Variants in EBF1 observed in about 807,000 individuals in gnomAD.
EBF1 encodes EBF transcription factor 1.
EBF1 carries 10 observed loss-of-function variants against 68.4 expected under a neutral mutation model. The ratio of observed to expected loss-of-function variants is 0.15; its 90% CI spans 0.09 to 0.25. EBF1 has a LOEUF of 0.25. Ranked by LOEUF, EBF1 falls within the 10% of genes least tolerant of loss-of-function variation. EBF1 has a pLI of 1.00. For synonymous variants in EBF1, 298 were observed against 299.8 expected, an observed-to-expected ratio of 0.99 and a Z score of 0.06; for missense variants, 509 against 794.4, an observed-to-expected ratio of 0.64 and a Z score of 4.32.
chr5:158,986,131 G>A (rs1454708719), intron 6 of EBF1, among the ~76,000 whole-genome samples: 1 of 152,224 alleles, frequency 6.6e-6, no homozygotes, highest in Non-Finnish European at 1.5e-5. Context: ...TCCGCTCCCA[G>A]CCCCTGTCTC....
At chr5:159,022,728 A>G (rs979813385) in intron 6 of EBF1, among the ~76,000 whole-genome samples, 21 of 152,178 alleles carry the variant, frequency 1.4e-4, no homozygotes, top group African/African-American at 5.1e-4. Flanking sequence ...TGGGATAAGA[A>G]CACAAGCTAT....
intron 10 of EBF1, among the ~76,000 whole-genome samples, chr5:158,741,593 A>G (rs905466630): frequency 1.3e-4 from 19 of 151,174 alleles, no homozygotes; most frequent in African/African-American, 3.2e-4. Context: ...AAAAAAAAAA[A>G]GCAGTATAAT....
chr5:159,065,450 T>C (rs1228431006), intron 6 of EBF1, among the ~76,000 whole-genome samples: 2 of 152,194 alleles, frequency 1.3e-5, no homozygotes. Context: ...CATTTTACTT[T>C]GATAATTTTC....
intron 10 of EBF1, among the ~76,000 whole-genome samples, chr5:158,767,221 T>C (rs1226744602): frequency 6.6e-6 from 1 of 152,184 alleles, no homozygotes; most frequent in Non-Finnish European, 1.5e-5. Flanking sequence ...TTAACAGTGA[T>C]TATCCCTGAG....
chr5:158,773,801 C>A (rs1039397820), intron 10 of EBF1, among the ~76,000 whole-genome samples: 1 of 151,944 alleles, frequency 6.6e-6, no homozygotes, highest in Non-Finnish European at 1.5e-5. Context: ...GATCACGATT[C>A]GAAAAGATCC....
chr5:158,784,944 G>C (rs1454136556), intron 9 of EBF1, among the ~76,000 whole-genome samples: 1 of 152,108 alleles, frequency 6.6e-6, no homozygotes, highest in Non-Finnish European at 1.5e-5. Flanking sequence ...TGTGCTCTGT[G>C]GAGGTGCTGA....
At chr5:158,781,267 T>G (rs1039706999) in intron 9 of EBF1, among the ~76,000 whole-genome samples, 2 of 152,242 alleles carry the variant, frequency 1.3e-5, no homozygotes, top group Admixed American at 6.5e-5. Context: ...TCCAGATATC[T>G]TCTCTTATTC....
intron 6 of EBF1, among the ~76,000 whole-genome samples, chr5:159,041,152 G>A (rs1771121618): frequency 1.3e-5 from 2 of 152,284 alleles, no homozygotes; most frequent in South Asian, 4.1e-4. Context: ...AACTGAGCTT[G>A]ACCAATCCCC....
intron 6 of EBF1, among the ~76,000 whole-genome samples, chr5:158,856,595 T>C (rs374799973): frequency 9.2e-6 from 1 of 109,242 alleles, no homozygotes; most frequent in Non-Finnish European, 2.2e-5. Context: ...TTTAGAAAAA[T>C]AATAATGAGT....
chr5:158,700,028 AG>A (rs1756385804), intron 15 of EBF1, among the ~76,000 whole-genome samples: 1 of 152,200 alleles, frequency 6.6e-6, no homozygotes, highest in South Asian at 2.1e-4. Context: ...AGCAACACTT[AG>A]GGTTATTGGA....
intron 6 of EBF1, among the ~76,000 whole-genome samples, chr5:158,989,157 C>T (rs556955918): frequency 3.0e-4 from 46 of 152,272 alleles, no homozygotes; most frequent in Non-Finnish European, 5.6e-4. Context: ...CCTAATTGAG[C>T]GACAACCCTC....
intron 11 of EBF1, among the ~76,000 whole-genome samples, chr5:158,718,149 T>G (rs11956745): frequency 4.9e-4 from 75 of 152,228 alleles, no homozygotes; most frequent in African/African-American, 1.7e-3. Context: ...AAATATTGTT[T>G]GAGCTTCTTG....
At chr5:158,830,424 C>T (rs1017114036) in intron 7 of EBF1, among the ~76,000 whole-genome samples, 8 of 152,206 alleles carry the variant, frequency 5.3e-5, no homozygotes, top group African/African-American at 1.9e-4. Context: ...GGGCACACCA[C>T]CACACCCAGC....
intron 6 of EBF1, among the ~76,000 whole-genome samples, chr5:159,046,747 G>A (rs1056286100): frequency 6.8e-4 from 104 of 152,190 alleles, no homozygotes; most frequent in African/African-American, 2.3e-3. Context: ...CCTAAGATTG[G>A]ATAAGATTCA....
chr5:159,080,656 A>G (rs2127970768), intron 5 of EBF1, among the ~76,000 whole-genome samples: 1 of 152,246 alleles, frequency 6.6e-6, no homozygotes, highest in East Asian at 1.9e-4. Context: ...CTTACTATTA[A>G]TAATAACAGT....
chr5:158,878,222 G>T (rs773947009), intron 6 of EBF1, among the ~76,000 whole-genome samples: 2 of 152,090 alleles, frequency 1.3e-5, no homozygotes, highest in Non-Finnish European at 2.9e-5. Context: ...GGACAGATCT[G>T]TATATATAAC....
intron 3 of EBF1, 187 bp downstream of exon 3, chr5:159,096,156 G>T (rs903337583): frequency 1.6e-6 from 1 of 628,858 alleles, no homozygotes. Context: ...GACCGATAAG[G>T]CTCTTGGGCC....
chr5:158,722,518 G>A (rs567812795), intron 11 of EBF1, among the ~76,000 whole-genome samples: 5 of 152,252 alleles, frequency 3.3e-5, no homozygotes, highest in South Asian at 2.1e-4. Flanking sequence ...ACAAATGCAC[G>A]TGCATATTTA....
intron 6 of EBF1, among the ~76,000 whole-genome samples, chr5:158,872,960 C>A (rs1797133709): frequency 6.7e-6 from 1 of 148,410 alleles, no homozygotes; most frequent in African/African-American, 2.5e-5. Context: ...AAAAGCCATA[C>A]CTTTGTCCAG....
Sources: gnomAD v4.1 joint callset for allele counts (sites outside exome capture counted in the v4.1 genomes callset) on GRCh38, gnomAD v4.1.1 for gene constraint, MANE v1.5 for transcripts, NCBI Gene and HGNC (gene_info 2026-07-23, HGNC 2026-07-21) for gene names.